Variants in ARPP21 observed in about 807,000 individuals in gnomAD.
ARPP21 encodes the protein cAMP-regulated phosphoprotein 21.
ARPP21 carries 69 observed loss-of-function variants against 113.2 expected under a neutral mutation model. The observed-to-expected ratio is 0.61, with a 90% confidence interval of 0.50 to 0.74. ARPP21 has a LOEUF of 0.74. Among genes scored for constraint, ARPP21 ranks in the 30% least tolerant of loss-of-function variants. ARPP21 has a pLI of 0.00. For synonymous variants in ARPP21, 368 were observed against 375.5 expected, an observed-to-expected ratio of 0.98 and a Z score of 0.23; for missense variants, 1,070 against 1,037.4, an observed-to-expected ratio of 1.03 and a Z score of -0.43.
intron 1 of ARPP21, among the ~76,000 whole-genome samples, chr3:35,674,517 TA>T (rs1346153556): frequency 6.6e-6 from 1 of 151,890 alleles, no homozygotes; most frequent in African/African-American, 2.4e-5. Flanking sequence ...TGTTCCACAT[TA>T]AAAAATTATG....
At chr3:35,719,983 T>C (rs2092893471) in intron 13 of ARPP21, among the ~76,000 whole-genome samples, 3 of 152,164 alleles carry the variant, frequency 2.0e-5, no homozygotes, top group Non-Finnish European at 4.4e-5. Flanking sequence ...AGGCTATTTA[T>C]TTCTCCGCTC....
intron 15 of ARPP21, among the ~76,000 whole-genome samples, chr3:35,734,661 T>C (rs1180817557): frequency 6.6e-6 from 1 of 152,198 alleles, no homozygotes; most frequent in African/African-American, 2.4e-5. Flanking sequence ...GTGGTAATAA[T>C]GGGAAATACT....
intron 1 of ARPP21, among the ~76,000 whole-genome samples, chr3:35,648,379 G>GA (rs1375007763): frequency 1.3e-5 from 2 of 152,140 alleles, no homozygotes; most frequent in Non-Finnish European, 2.9e-5. Flanking sequence ...ATCCATGAAG[G>GA]AAAAACCTAA....
intron 5 of ARPP21, among the ~76,000 whole-genome samples, chr3:35,686,465 A>G (rs1190382064): frequency 6.6e-6 from 1 of 151,718 alleles, no homozygotes; most frequent in African/African-American, 2.4e-5. Context: ...TTATAAGCAT[A>G]GTGAAACAGG....
chr3:35,790,401 C>G (rs2096724529), intron 19 of ARPP21, among the ~76,000 whole-genome samples: 1 of 152,104 alleles, frequency 6.6e-6, no homozygotes, highest in Non-Finnish European at 1.5e-5. Context: ...TGGTTTGGAA[C>G]AATGTCATAA....
intron 9 of ARPP21, among the ~76,000 whole-genome samples, chr3:35,702,916 A>G (rs1377841979): frequency 2.0e-5 from 3 of 151,836 alleles, no homozygotes; most frequent in Non-Finnish European, 2.9e-5. Flanking sequence ...GTGTCATTAG[A>G]TTTCTCTAAT....
chr3:35,700,445 T>C (rs897972810), intron 9 of ARPP21, among the ~76,000 whole-genome samples: 1 of 151,720 alleles, frequency 6.6e-6, no homozygotes, highest in African/African-American at 2.4e-5. Flanking sequence ...CTTTGAGTCA[T>C]TGTATGTATT....
Position 35,717,406 on chromosome 3 carries a change from T to C in ARPP21, c.995+49T>C, listed in dbSNP as rs754973525. 6.2e-6 allele frequency: 7 copies of C among 1,128,126 alleles called. No individual in the cohort carries two copies. In the Admixed American group the frequency reaches 1.2e-4, roughly 19 times the overall value. 69.9% of individuals were successfully genotyped at this position (1,128,126 alleles called of 1,614,324 possible). A position where few individuals can be genotyped will look rare whatever the true frequency, so the allele number is the denominator to read the frequency against. On this transcript the variant is annotated intron_variant, in intron 13 of 20. Coordinates refer to ENST00000684406, the MANE Select transcript of ARPP21 (RefSeq NM_001385562.1). ...ACTGTGTTTTTTTCAAATTATGTGG[T>C]AGAATCAATGTTAAATATTAGTGTA...
intron 19 of ARPP21, among the ~76,000 whole-genome samples, chr3:35,756,834 C>T (rs1190582350): frequency 2.0e-5 from 3 of 152,144 alleles, no homozygotes; most frequent in Non-Finnish European, 4.4e-5. Context: ...ACCAAAAGCA[C>T]ACCTTGCAGA....
At chr3:35,699,686 C>A (rs536528202) in intron 9 of ARPP21, among the ~76,000 whole-genome samples, 1 of 151,630 alleles carries the variant, frequency 6.6e-6, no homozygotes, top group African/African-American at 2.4e-5. Flanking sequence ...TTTATTTACA[C>A]GTACCAAAAA....
intron 12 of ARPP21, among the ~76,000 whole-genome samples, chr3:35,715,983 T>G (rs2092332929): frequency 6.6e-6 from 1 of 152,150 alleles, no homozygotes; most frequent in African/African-American, 2.4e-5. Flanking sequence ...CTTGAAAATC[T>G]TATCTAAACT....
At chr3:35,694,071 A>G (rs2083061307) in intron 9 of ARPP21, among the ~76,000 whole-genome samples, 1 of 151,550 alleles carries the variant, frequency 6.6e-6, no homozygotes, top group Admixed American at 6.6e-5. Context: ...AATTGTAACT[A>G]TTTCAGCTCC....
intron 19 of ARPP21, among the ~76,000 whole-genome samples, chr3:35,783,959 T>C (rs145460026): frequency 1.2e-3 from 189 of 152,286 alleles, no homozygotes; most frequent in African/African-American, 4.3e-3. Context: ...CATCTAATAC[T>C]AGGTTCAATA....
chr3:35,674,982 G>C (rs1318120566), intron 1 of ARPP21, among the ~76,000 whole-genome samples: 1 of 151,608 alleles, frequency 6.6e-6, no homozygotes, highest in Non-Finnish European at 1.5e-5. Context: ...GAGAAACACA[G>C]GTTATTGAAA....
At chr3:35,660,255 G>T (rs1707082362) in intron 1 of ARPP21, among the ~76,000 whole-genome samples, 1 of 152,182 alleles carries the variant, frequency 6.6e-6, no homozygotes, top group South Asian at 2.1e-4. Flanking sequence ...ACAGGGGGCT[G>T]GTCTATTCCC....
chr3:35,772,478 G>A (rs1051746229), intron 19 of ARPP21, among the ~76,000 whole-genome samples: 6 of 152,266 alleles, frequency 3.9e-5, no homozygotes, highest in East Asian at 1.9e-4. Flanking sequence ...AAAATGTCAT[G>A]AGCTGATATT....
At chr3:35,672,772 A>C (rs1480546110) in intron 1 of ARPP21, among the ~76,000 whole-genome samples, 1 of 152,072 alleles carries the variant, frequency 6.6e-6, no homozygotes, top group Non-Finnish European at 1.5e-5. Context: ...TGGGGAATCC[A>C]GTGATTGAAC....
At chr3:35,665,901 G>GT (rs1219002082) in intron 1 of ARPP21, among the ~76,000 whole-genome samples, 1 of 152,082 alleles carries the variant, frequency 6.6e-6, no homozygotes, top group Non-Finnish European at 1.5e-5. Context: ...CTCATTAATG[G>GT]TTTTTTAAAG....
Position 35,721,698 on chromosome 3 carries a change from C to A in ARPP21, c.1089C>A (p.Ser363Arg), listed in dbSNP as rs764006456. ...LKWSDHQRAW[S>R]STDSDSSNRN... ...GGTCTGACCACCAAAGGGCCTGGAG[C>A]AGCACAGACTCCGACAGTTCCAACC... Residue 363 changes from serine to arginine, a missense_variant, in exon 14 of 21, where the codon AGC becomes AGA. By Grantham distance (110) the Ser-to-Arg change is moderately radical (BLOSUM62 -1). Coordinates refer to ENST00000684406, the MANE Select transcript of ARPP21 (RefSeq NM_001385562.1). 6.2e-7 allele frequency: 1 copy of A among 1,613,680 alleles called. No individual in the cohort carries two copies. The highest frequency in any genetic ancestry group is 8.5e-7 in the Non-Finnish European group (1 of 1,179,808).
Sources: allele counts gnomAD v4.1 joint callset (sites outside exome capture counted in the v4.1 genomes callset), GRCh38; gene constraint gnomAD v4.1.1; transcripts MANE v1.5; gene names NCBI Gene and HGNC (gene_info 2026-07-23, HGNC 2026-07-21).